Variants in SND1 observed in about 807,000 individuals in gnomAD.
SND1 encodes the protein staphylococcal nuclease and tudor domain containing 1, also known as staphylococcal nuclease domain-containing protein 1.
In SND1, 38 loss-of-function variants were observed where a neutral mutation model predicts 121.7. The observed-to-expected ratio is 0.31, with a 90% CI of 0.24 to 0.41. The LOEUF (loss-of-function observed/expected upper bound fraction) is 0.41, where lower values mean the gene tolerates loss of function less well. SND1 is among the 10% of genes least tolerant of loss of function. The pLI, the probability that SND1 is intolerant of heterozygous loss-of-function variation, is 1.00. For missense variants in SND1, 868 were observed against 1,184.6 expected, an observed-to-expected ratio of 0.73 and a Z score of 3.92; for synonymous variants, 401 against 447.4, an observed-to-expected ratio of 0.90 and a Z score of 1.31.
At chr7:127,922,295 G>GC (rs1275528583) in intron 14 of SND1, among the ~76,000 whole-genome samples, 1 of 142,884 alleles carries the variant, frequency 7.0e-6, no homozygotes, top group Non-Finnish European at 1.5e-5. Flanking sequence ...AACATTACAG[G>GC]CATGAGGCCA....
At chr7:128,076,875 ACCTC>A (rs2117053781) in intron 17 of SND1, among the ~76,000 whole-genome samples, 2 of 152,092 alleles carry the variant, frequency 1.3e-5, no homozygotes, top group South Asian at 4.2e-4. Context: ...AGGCTTAACT[ACCTC>A]CCTGCTGAGT....
intron 15 of SND1, among the ~76,000 whole-genome samples, chr7:127,974,287 A>G (rs976386075): frequency 2.0e-5 from 3 of 152,342 alleles, no homozygotes; most frequent in East Asian, 3.9e-4. Flanking sequence ...TTAGGGTCCC[A>G]TCAGATTATA....
intron 14 of SND1, among the ~76,000 whole-genome samples, chr7:127,916,664 T>A (rs1227437264): frequency 6.6e-6 from 1 of 152,058 alleles, no homozygotes; most frequent in Non-Finnish European, 1.5e-5. Context: ...ATCAGGTGAG[T>A]ATAATGTACA....
At chr7:127,903,983 T>C (rs1800284191) in intron 13 of SND1, among the ~76,000 whole-genome samples, 1 of 152,206 alleles carries the variant, frequency 6.6e-6, no homozygotes, top group South Asian at 2.1e-4. Context: ...GAAGGCCTTA[T>C]CCAACAGTGT....
Position 128,080,702 on chromosome 7 carries a change from G to A in SND1, c.1969-658G>A, listed in dbSNP as rs138993007. ...GAAAGCAGGGCTCTCACACTCGGAC[G>A]TGCATGAGATAGCCTGGGATCTGGT... On this transcript the variant is annotated intron_variant, in intron 17 of 23. Coordinates refer to ENST00000354725, the MANE Select transcript of SND1 (RefSeq NM_014390.4). 3.3e-3 allele frequency among the ~76,000 whole-genome samples: 501 copies of A among 152,290 alleles called. 5 individuals carry two copies. Among genetic ancestry groups the A allele is most frequent in the African/African-American group, 0.011 (461 of 41,544 alleles).
intron 15 of SND1, among the ~76,000 whole-genome samples, chr7:127,981,278 A>T (rs953715412): frequency 1.3e-5 from 2 of 152,190 alleles, no homozygotes; most frequent in Non-Finnish European, 1.5e-5. Context: ...CCAGGAAAAA[A>T]AAAAAATTTT....
At chr7:127,705,591 A>C (rs1021049888) in intron 8 of SND1, among the ~76,000 whole-genome samples, 1 of 147,688 alleles carries the variant, frequency 6.8e-6, no homozygotes, top group Non-Finnish European at 1.5e-5. Flanking sequence ...GCAGATGTAG[A>C]TGTAGATGTA....
intron 15 of SND1, among the ~76,000 whole-genome samples, chr7:127,989,136 T>C (rs1460074502): frequency 1.3e-5 from 2 of 152,194 alleles, no homozygotes; most frequent in Non-Finnish European, 2.9e-5. Flanking sequence ...TTTACAAAAA[T>C]ACGTTCCACC....
intron 16 of SND1, among the ~76,000 whole-genome samples, chr7:128,016,334 T>C (rs1172603555): frequency 6.6e-6 from 1 of 152,064 alleles, no homozygotes; most frequent in African/African-American, 2.4e-5. Context: ...TTATGGACTT[T>C]CTATACAACT....
chr7:127,832,404 G>A (rs972906059), intron 11 of SND1, among the ~76,000 whole-genome samples: 2 of 152,120 alleles, frequency 1.3e-5, no homozygotes, highest in Non-Finnish European at 2.9e-5. Flanking sequence ...AGAAGCATGT[G>A]GAAATTGGAA....
chr7:127,948,548 G>A (rs1056817099), intron 15 of SND1, among the ~76,000 whole-genome samples: 1 of 152,234 alleles, frequency 6.6e-6, no homozygotes, highest in African/African-American at 2.4e-5. Flanking sequence ...TTGGATAACA[G>A]AGCTCAGTTT....
At chr7:127,817,005 A>G (rs1798455628) in intron 11 of SND1, among the ~76,000 whole-genome samples, 1 of 152,082 alleles carries the variant, frequency 6.6e-6, no homozygotes, top group South Asian at 2.1e-4. Context: ...TTGGACAGCT[A>G]CTCTGTGCCA....
intron 16 of SND1, among the ~76,000 whole-genome samples, chr7:128,017,995 A>T (rs1468766300): frequency 6.6e-6 from 1 of 152,158 alleles, no homozygotes; most frequent in Non-Finnish European, 1.5e-5. Flanking sequence ...GCCAGTGGGG[A>T]ACTGCTGAAG....
At chr7:127,872,306 C>T (rs1203716938) in intron 12 of SND1, among the ~76,000 whole-genome samples, 2 of 152,174 alleles carry the variant, frequency 1.3e-5, no homozygotes, top group East Asian at 1.9e-4. Context: ...TGTGTTCCTG[C>T]TCTGTGCCAT....
chr7:127,699,766 G>T (rs923398017), intron 4 of SND1, among the ~76,000 whole-genome samples: 2 of 152,112 alleles, frequency 1.3e-5, no homozygotes, highest in Non-Finnish European at 2.9e-5. Context: ...CTATAATAAT[G>T]CTGTTTTATA....
chr7:127,903,184 AT>A (rs904401151), intron 13 of SND1, among the ~76,000 whole-genome samples: 1 of 150,902 alleles, frequency 6.6e-6, no homozygotes, highest in African/African-American at 2.4e-5. Flanking sequence ...ACCCAGCCCG[AT>A]TTTTTTTTAT....
rs772976701 is a variant in SND1 at position 128,029,170 on chromosome 7, T to C, written c.1779+38114T>C. 1.2e-6 allele frequency: 2 copies of C among 1,614,054 alleles called. No homozygotes were observed. The highest frequency in any genetic ancestry group is 1.7e-6 in the Non-Finnish European group (2 of 1,180,010). ...CGGGTAGTCTGAATGAGCACCGTGG[T>C]AGAGGTGGTATATGCCGGCTGGTAA... On this transcript the variant is annotated intron_variant, in intron 16 of 23. Coordinates refer to ENST00000354725, the MANE Select transcript of SND1 (RefSeq NM_014390.4). The surrounding 1 kb of genome is among the most constrained non-coding windows in gnomAD (Gnocchi z 4.2).
At chr7:128,017,687 G>A (rs933969168) in intron 16 of SND1, among the ~76,000 whole-genome samples, 3 of 152,224 alleles carry the variant, frequency 2.0e-5, no homozygotes, top group Non-Finnish European at 2.9e-5. Flanking sequence ...AGCACCACTC[G>A]GGGAGGGGGG....
intron 10 of SND1, among the ~76,000 whole-genome samples, chr7:127,762,979 A>G (rs963068379): frequency 3.9e-5 from 6 of 152,204 alleles, no homozygotes; most frequent in Non-Finnish European, 7.3e-5. Context: ...TTCTAAGGAA[A>G]GGATTTAAAG....
Sources: allele counts gnomAD v4.1 joint callset (sites outside exome capture counted in the v4.1 genomes callset), GRCh38; gene constraint gnomAD v4.1.1; non-coding constraint Gnocchi (gnomAD v3.1); transcripts MANE v1.5; gene names NCBI Gene and HGNC (gene_info 2026-07-23, HGNC 2026-07-21).